The following ZNF676 variants were observed in gnomAD, a reference collection of about 807,000 sequenced individuals.
ZNF676 encodes zinc finger protein 676.
A neutral mutation model predicts 6.0 loss-of-function variants in ZNF676; 4 were observed. That is an observed-to-expected ratio of 0.67 (90% CI 0.33 to 1.53). The LOEUF (loss-of-function observed/expected upper bound fraction) is 1.53, where lower values mean the gene tolerates loss of function less well. Among genes scored for constraint, ZNF676 ranks in the 40% most tolerant of loss-of-function variants. The pLI is 0.06. For missense variants in ZNF676, 644 were observed against 679.7 expected, an observed-to-expected ratio of 0.95 and a Z score of 0.58; for synonymous variants, 198 against 223.1, an observed-to-expected ratio of 0.89 and a Z score of 1.00.
At chr19:22,229,753 C>T in the ZNF676 span, among the ~76,000 whole-genome samples, 1 of 152,144 alleles carries the variant, frequency 6.6e-6, no homozygotes, top group African/African-American at 2.4e-5. Context: ...AAAAAAAGCT[C>T]ACTGTCACTA....
the ZNF676 span, among the ~76,000 whole-genome samples, chr19:22,253,135 C>T: frequency 2.0e-5 from 3 of 152,054 alleles, no homozygotes; most frequent in African/African-American, 7.2e-5. Flanking sequence ...GTGTCACCAA[C>T]CCACCTGTGA....
intron 1 of ZNF676, among the ~76,000 whole-genome samples, chr19:22,208,552 T>C (rs1383131590): frequency 6.6e-6 from 1 of 152,168 alleles, no homozygotes; most frequent in Non-Finnish European, 1.5e-5. Flanking sequence ...AATTATTCTA[T>C]CATAAAGACA....
chr19:22,215,058 AAACAAC>A (rs1253637022), intron 1 of ZNF676, among the ~76,000 whole-genome samples: 8 of 119,512 alleles, frequency 6.7e-5, no homozygotes, highest in South Asian at 2.7e-4. Context: ...AAAAAAAAAA[AAACAAC>A]AAAAAACCAG....
Position 22,181,138 on chromosome 19 carries a change from T to TG in ZNF676, c.578_579insC (p.Glu194ArgfsTer7), listed in dbSNP as rs2023741382. 1 of 1,613,818 alleles carries TG rather than the reference T, an allele frequency of 6.2e-7. No homozygotes were observed. Among genetic ancestry groups the TG allele is most frequent in the Non-Finnish European group, 8.5e-7 (1 of 1,179,978 alleles). On this transcript the variant is annotated frameshift_variant, in exon 3 of 3. Transcript: ENST00000397121. LOFTEE classifies it low-confidence loss of function (END_TRUNC). ...ATTCTTCACATTTGTAGGGTTTCTC[T>TG]CCAGTATGAATACTCTTATAATAAG...
upstream of ZNF676, among the ~76,000 whole-genome samples, chr19:22,215,922 GAAGA>G (rs2024182759): frequency 6.6e-6 from 1 of 152,198 alleles, no homozygotes; most frequent in South Asian, 2.1e-4. Flanking sequence ...TGGGCTGAAT[GAAGA>G]AAGAGAGCCA....
chr19:22,231,620 T>C, the ZNF676 span, among the ~76,000 whole-genome samples: 5 of 80,382 alleles, frequency 6.2e-5, no homozygotes, highest in Non-Finnish European at 1.2e-4. Context: ...TTTATTTATT[T>C]TGAGATGGAG....
At chr19:22,232,075 T>C in the ZNF676 span, among the ~76,000 whole-genome samples, 1 of 152,202 alleles carries the variant, frequency 6.6e-6, no homozygotes, top group African/African-American at 2.4e-5. Flanking sequence ...TATGTGTATC[T>C]CACATTAGGC....
upstream of ZNF676, among the ~76,000 whole-genome samples, chr19:22,219,959 A>G (rs1380199490): frequency 6.6e-6 from 1 of 152,100 alleles, no homozygotes; most frequent in East Asian, 1.9e-4. Flanking sequence ...CCAGCCTGTC[A>G]TAGATGGTTT....
At chr19:22,228,803 G>T in the ZNF676 span, among the ~76,000 whole-genome samples, 21 of 152,176 alleles carry the variant, frequency 1.4e-4, no homozygotes, top group African/African-American at 4.8e-4. Context: ...TCCAAGGGAT[G>T]TGAAGGACCT....
At chr19:22,245,504 G>GC in the ZNF676 span, among the ~76,000 whole-genome samples, 969 of 140,992 alleles carry the variant, frequency 6.9e-3, 8 homozygotes, top group African/African-American at 0.027. Flanking sequence ...ATGTCACAAT[G>GC]CCCCCCCCCC....
upstream of ZNF676, among the ~76,000 whole-genome samples, chr19:22,219,335 G>T (rs540577592): frequency 6.6e-6 from 1 of 152,098 alleles, no homozygotes; most frequent in African/African-American, 2.4e-5. Context: ...CTGACCTCAA[G>T]TGATCCACCT....
At chr19:22,256,476 C>T in the ZNF676 span, among the ~76,000 whole-genome samples, 257 of 152,204 alleles carry the variant, frequency 1.7e-3, 1 homozygote, top group African/African-American at 5.8e-3. Context: ...GGGCAAGGTT[C>T]AGGCAAAAGA....
At chr19:22,244,332 C>A in the ZNF676 span, 136,415 of 152,222 alleles carry the variant, frequency 0.9, 63,012 homozygotes, top group Non-Finnish European at 1. Flanking sequence ...ATGAGCCACA[C>A]TGCCCAGTCA....
At chr19:22,187,988 G>A (rs1334858034) in intron 2 of ZNF676, among the ~76,000 whole-genome samples, 3 of 152,142 alleles carry the variant, frequency 2.0e-5, no homozygotes, top group East Asian at 1.9e-4. Flanking sequence ...TAGAAAAAGA[G>A]GGACTCTTCC....
chr19:22,220,087 TG>T (rs890976553), upstream of ZNF676, among the ~76,000 whole-genome samples: 41 of 152,348 alleles, frequency 2.7e-4, 1 homozygote, highest in African/African-American at 8.9e-4. Context: ...ATATAATTTT[TG>T]GTTTTAATTC....
At position 22,208,339 on chromosome 19, in the gene ZNF676, G is replaced by A. The variant is rs1359653993; in HGVS notation, c.3+7293C>T. On this transcript the variant is annotated intron_variant, in intron 1 of 3. Coordinates refer to the ZNF676 transcript ENST00000650058. ...AAGGAGACAAACATGTGGCTAACAAGCATATAAAAAAATGCTCATCACTAA... is the reference window on the plus strand; with the variant it reads ...AAGGAGACAAACATGTGGCTAACAAACATATAAAAAAATGCTCATCACTAA... Among the ~76,000 whole-genome samples, 4 of 148,570 alleles carry A rather than the reference G, an allele frequency of 2.7e-5. No homozygotes were observed. The East Asian group carries it at 5.9e-4, about 22-fold the overall frequency.
chr19:22,201,731 CAAAAAAAAAAAAAAA>C (rs35526921), upstream of ZNF676, among the ~76,000 whole-genome samples: 38 of 76,232 alleles, frequency 5.0e-4, no homozygotes, highest in African/African-American at 1.6e-3. Context: ...TTTGTAAAGG[CAAAAAAAAAAAAAAA>C]AAAAAAAAAA....
the ZNF676 span, among the ~76,000 whole-genome samples, chr19:22,253,464 G>GTA: frequency 1.1e-4 from 9 of 85,684 alleles, no homozygotes; most frequent in East Asian, 2.1e-3. Flanking sequence ...ATGATAATGT[G>GTA]TGTATATATA....
chr19:22,220,420 G>A (rs554785922), upstream of ZNF676, among the ~76,000 whole-genome samples: 9 of 150,648 alleles, frequency 6.0e-5, no homozygotes, highest in South Asian at 1.9e-3. Flanking sequence ...GGATAGAATT[G>A]AGCTATGAAT....
Sources: allele counts gnomAD v4.1 joint callset (sites outside exome capture counted in the v4.1 genomes callset), GRCh38; gene constraint gnomAD v4.1.1; transcripts MANE v1.5; gene names NCBI Gene and HGNC (gene_info 2026-07-23, HGNC 2026-07-21).